The following RNF152 variants were observed in gnomAD, a reference collection of about 807,000 sequenced individuals.
RNF152 encodes the protein ring finger protein 152, also known as E3 ubiquitin-protein ligase RNF152.
A neutral mutation model predicts 12.7 loss-of-function variants in RNF152; 11 were observed. The ratio of observed to expected loss-of-function variants is 0.86; its 90% confidence interval spans 0.54 to 1.43. The LOEUF is 1.43. RNF152 is among the 40% of genes most tolerant of loss of function. RNF152 has a pLI of 0.00. For synonymous variants in RNF152, 113 were observed against 120.3 expected, an observed-to-expected ratio of 0.94 and a Z score of 0.40; for missense variants, 255 against 274.8, an observed-to-expected ratio of 0.93 and a Z score of 0.51.
chr18:61,865,928 G>C (rs1425098856), intron 1 of RNF152, among the ~76,000 whole-genome samples: 2 of 152,130 alleles, frequency 1.3e-5, no homozygotes, highest in Non-Finnish European at 2.9e-5. Context: ...GAACAATCAG[G>C]CACTAGAGTC....
At position 61,889,601 on chromosome 18, in the gene RNF152, C is replaced by T. The variant is rs143793156; in HGVS notation, c.-136+3194G>A. Among the ~76,000 whole-genome samples the T allele has an allele frequency of 2.4e-3, 372 of 152,280 alleles. 3 individuals carry two copies. The highest frequency in any genetic ancestry group is 2.2e-3 in the Non-Finnish European group (149 of 68,008). On this transcript the variant is annotated intron_variant, in intron 1 of 1. Coordinates refer to ENST00000312828, the MANE Select transcript of RNF152 (RefSeq NM_173557.3). ...CAGTTGCTGATGGAAGCACAAATGT[C>T]CCTAAACTCTCTGGGTGTTCTACTA...
In RNF152 at chr18:61,879,365, T is replaced by C. The variant is rs200924436; in HGVS notation, c.-136+13430A>G. 4.6e-5 allele frequency among the ~76,000 whole-genome samples: 7 copies of C among 152,252 alleles called. No homozygotes were observed. In the East Asian group the frequency reaches 9.7e-4, roughly 21 times the overall value. ...TTTAAAGTATACACGAGGAAGTGCA[T>C]AGGTTATATGCAAAAACTATGGCAT... is the stretch of plus-strand genomic sequence containing the variant. On this transcript the variant is annotated intron_variant, in intron 1 of 1. Coordinates refer to ENST00000312828, the MANE Select transcript of RNF152 (RefSeq NM_173557.3).
At chr18:61,822,378 AT>A (rs1909460030) in intron 1 of RNF152, among the ~76,000 whole-genome samples, 1 of 152,224 alleles carries the variant, frequency 6.6e-6, no homozygotes, top group African/African-American at 2.4e-5. Context: ...GGCCCTAGAT[AT>A]TTTGTGCTTT....
chr18:61,874,790 A>G (rs768148776), intron 1 of RNF152, among the ~76,000 whole-genome samples: 16 of 152,296 alleles, frequency 1.1e-4, no homozygotes, highest in Middle Eastern at 3.4e-3. Flanking sequence ...TCTGGTTCTT[A>G]GCTATTGTGT....
chr18:61,838,311 A>G (rs1170709255), intron 1 of RNF152, among the ~76,000 whole-genome samples: 1 of 152,236 alleles, frequency 6.6e-6, no homozygotes, highest in Non-Finnish European at 1.5e-5. Context: ...ATTCAATTTC[A>G]GACTCCTCTT....
At chr18:61,872,070 G>A (rs1912022143) in intron 1 of RNF152, among the ~76,000 whole-genome samples, 1 of 152,174 alleles carries the variant, frequency 6.6e-6, no homozygotes, top group South Asian at 2.1e-4. Flanking sequence ...CTCTGGGGAG[G>A]CCTCAGGAAA....
Position 61,816,446 on chromosome 18 carries a change from C to T in RNF152, c.18G>A (p.Gln6=). 1 of 1,604,928 alleles carries T rather than the reference C, an allele frequency of 6.2e-7. No individual in the cohort carries two copies. The highest frequency in any genetic ancestry group is 8.5e-7 in the Non-Finnish European group (1 of 1,173,196). The part of the protein sequence containing the change: METLS[Q]DSLLECQICF... ...AGATCTGACATTCCAGCAGAGAGTC[C>T]TGGGACAGCGTCTCCATGGTGGACC... Residue 6 remains glutamine (Q), a synonymous_variant, in exon 2 of 2, where the codon CAG becomes CAA. Transcript: ENST00000312828.
At position 61,809,188 on chromosome 18, in the gene RNF152, G is replaced by C. The variant is rs1912838947; in HGVS notation, c.*6664C>G. 6.6e-6 allele frequency: 1 copy of C among 152,036 alleles called. No homozygotes were observed. The highest frequency in any genetic ancestry group is 1.5e-5 in the Non-Finnish European group (1 of 68,026). 9.4% of individuals were successfully genotyped at this position (152,036 alleles called of 1,614,324 possible). A position where few individuals can be genotyped will look rare whatever the true frequency, so the allele number is the denominator to read the frequency against. ...GCCTGTCCCTTCACATAGACCCAGT[G>C]CTTCATGTCTCCCTTTCCCTCTCCC... On this transcript the variant is annotated 3_prime_UTR_variant, in exon 2 of 2. Transcript: ENST00000312828.
chr18:61,844,517 G>T (rs1910661891), intron 1 of RNF152, among the ~76,000 whole-genome samples: 1 of 152,152 alleles, frequency 6.6e-6, no homozygotes. Flanking sequence ...GGCTCTGGTG[G>T]GTTTTATGTG....
intron 1 of RNF152, among the ~76,000 whole-genome samples, chr18:61,874,113 T>C (rs1001572181): frequency 1.1e-4 from 17 of 152,338 alleles, no homozygotes; most frequent in South Asian, 4.2e-4. Context: ...TTTACTACTG[T>C]TTTACTTGTT....
At chr18:61,834,097 C>T (rs1910074148) in intron 1 of RNF152, among the ~76,000 whole-genome samples, 1 of 152,318 alleles carries the variant, frequency 6.6e-6, no homozygotes, top group African/African-American at 2.4e-5. Context: ...GGTAGTTGTC[C>T]AATCTTATTT....
chr18:61,875,547 T>G (rs1912174325), intron 1 of RNF152, among the ~76,000 whole-genome samples: 1 of 152,114 alleles, frequency 6.6e-6, no homozygotes, highest in Non-Finnish European at 1.5e-5. Context: ...CTCACATTCA[T>G]AATGACCATC....
chr18:61,867,214 C>T (rs954400390), intron 1 of RNF152, among the ~76,000 whole-genome samples: 1 of 152,068 alleles, frequency 6.6e-6, no homozygotes, highest in Non-Finnish European at 1.5e-5. Flanking sequence ...CCCAACACTT[C>T]GGGAGGCAGG....
intron 1 of RNF152, among the ~76,000 whole-genome samples, chr18:61,851,221 G>A (rs1298243377): frequency 6.6e-6 from 1 of 150,926 alleles, no homozygotes; most frequent in Admixed American, 6.6e-5. Flanking sequence ...TCACTACTTT[G>A]TGTCAATATT....
intron 1 of RNF152, among the ~76,000 whole-genome samples, chr18:61,819,230 A>G (rs879685004): frequency 3.3e-5 from 5 of 152,244 alleles, no homozygotes; most frequent in African/African-American, 4.8e-5. Flanking sequence ...AGAACCTGCA[A>G]GCACTCTCCC....
chr18:61,880,998 C>T (rs1912441263), intron 1 of RNF152, among the ~76,000 whole-genome samples: 1 of 151,172 alleles, frequency 6.6e-6, no homozygotes, highest in African/African-American at 2.4e-5. Context: ...ACTGCAACCT[C>T]CGCCTCTGGG....
intron 1 of RNF152, among the ~76,000 whole-genome samples, chr18:61,869,589 T>G (rs1184085516): frequency 3.3e-5 from 5 of 152,234 alleles, no homozygotes; most frequent in African/African-American, 9.6e-5. Flanking sequence ...CAATAAAGGA[T>G]GTAGCAAAGT....
chr18:61,870,244 T>C (rs1414342211), intron 1 of RNF152, among the ~76,000 whole-genome samples: 1 of 152,142 alleles, frequency 6.6e-6, no homozygotes, highest in East Asian at 1.9e-4. Context: ...TCAAATCCAA[T>C]TGCAGCTGTG....
chr18:61,856,310 G>T (rs1013217300), intron 1 of RNF152, among the ~76,000 whole-genome samples: 1 of 152,134 alleles, frequency 6.6e-6, no homozygotes, highest in Non-Finnish European at 1.5e-5. Flanking sequence ...TACACGATGG[G>T]TTCCTGTCCT....
Sources: gnomAD v4.1 joint callset for allele counts (sites outside exome capture counted in the v4.1 genomes callset) on GRCh38, gnomAD v4.1.1 for gene constraint, MANE v1.5 for transcripts, NCBI Gene and HGNC (gene_info 2026-07-23, HGNC 2026-07-21) for gene names.